The following AATF variants were observed in gnomAD, a reference collection of about 807,000 sequenced individuals.
AATF encodes the protein apoptosis antagonizing transcription factor.
A neutral mutation model predicts 63.7 loss-of-function variants in AATF; 48 were observed. The ratio of observed to expected loss-of-function variants is 0.75; its 90% CI spans 0.60 to 0.96. The LOEUF (loss-of-function observed/expected upper bound fraction) is 0.96. AATF is among the 40% of genes least tolerant of loss of function. The pLI is 0.00. For missense variants in AATF, 639 were observed against 685.7 expected (o/e 0.93, Z 0.76); for synonymous variants, 258 against 247.7 (o/e 1.04, Z -0.39).
At chr17:37,034,208 T>A (rs556553235) in intron 11 of AATF, among the ~76,000 whole-genome samples, 9 of 152,334 alleles carry the variant, frequency 5.9e-5, no homozygotes, top group Middle Eastern at 3.4e-3. Flanking sequence ...CGTGTCCATA[T>A]CAACTGCTCA....
intron 4 of AATF, among the ~76,000 whole-genome samples, chr17:36,954,168 A>G (rs2070880972): frequency 6.6e-6 from 1 of 151,452 alleles, no homozygotes; most frequent in Admixed American, 6.6e-5. Context: ...CCTGGGCTCA[A>G]GCAATCCTCC....
chr17:37,045,309 C>T (rs2071680080), intron 11 of AATF, among the ~76,000 whole-genome samples: 1 of 152,202 alleles, frequency 6.6e-6, no homozygotes, highest in African/African-American at 2.4e-5. Flanking sequence ...AGACTGAAGG[C>T]CTTTCTTCTA....
intron 10 of AATF, among the ~76,000 whole-genome samples, chr17:37,027,396 C>T (rs759825188): frequency 1.3e-5 from 2 of 151,972 alleles, no homozygotes; most frequent in African/African-American, 2.4e-5. Flanking sequence ...TTTGCAGTGG[C>T]ACCGAGACTA....
At chr17:36,998,453 C>T (rs1180677856) in intron 8 of AATF, 18 of 152,194 alleles carry the variant, frequency 1.2e-4, no homozygotes, top group Admixed American at 7.2e-4. Flanking sequence ...ATACTCCCTT[C>T]TGATTGGACA....
At chr17:36,959,138 C>T (rs909845690) in intron 4 of AATF, among the ~76,000 whole-genome samples, 3 of 144,960 alleles carry the variant, frequency 2.1e-5, no homozygotes, top group Admixed American at 7.0e-5. Context: ...AGCAAAACTC[C>T]GTCTCAAAAA....
At chr17:37,027,043 T>G (rs543778203) in intron 10 of AATF, among the ~76,000 whole-genome samples, 1 of 152,210 alleles carries the variant, frequency 6.6e-6, no homozygotes, top group Admixed American at 6.5e-5. Context: ...AACATTACCT[T>G]CTGGAAACAG....
intron 8 of AATF, among the ~76,000 whole-genome samples, chr17:37,009,950 A>G (rs2071377587): frequency 6.6e-6 from 1 of 152,042 alleles, no homozygotes; most frequent in African/African-American, 2.4e-5. Context: ...TGGGGAAGTC[A>G]TATCATTGAA....
At chr17:36,986,941 T>C (rs2071173455) in intron 5 of AATF, among the ~76,000 whole-genome samples, 1 of 152,202 alleles carries the variant, frequency 6.6e-6, no homozygotes. Context: ...TTTGCGGTCT[T>C]AGACAAAGGC....
Position 36,950,301 on chromosome 17 carries a change from C to T in AATF, c.179C>T (p.Ala60Val), listed in dbSNP as rs770823608. The T allele has an allele frequency of 2.2e-5, 35 of 1,614,044 alleles. No individual in the cohort carries two copies. Among genetic ancestry groups the T allele is most frequent in the Non-Finnish European group, 2.8e-5 (33 of 1,180,028 alleles). ...FLVVGSIRKL[A>V]SASLLDTDKR... The stretch of plus-strand genomic sequence containing the variant: ...GTAGTGGGTAGCATTAGAAAACTGG[C>T]ATCAGCCTCCCTCTTGGACACGGAC... Residue 60 changes from alanine (A) to valine (V), a missense_variant, in exon 2 of 12, where the codon GCA (alanine) becomes GTA (valine). Ala to Val is a moderately conservative substitution (Grantham distance 64). Transcript: ENST00000619387.
At chr17:36,978,549 C>G (rs1010739461) in intron 4 of AATF, among the ~76,000 whole-genome samples, 2 of 152,004 alleles carry the variant, frequency 1.3e-5, no homozygotes, top group Non-Finnish European at 1.5e-5. Flanking sequence ...AAAAAAAATT[C>G]TACTTTTAGT....
intron 4 of AATF, among the ~76,000 whole-genome samples, chr17:36,960,171 G>A (rs1567965199): frequency 2.0e-5 from 3 of 152,044 alleles, no homozygotes; most frequent in African/African-American, 2.4e-5. Flanking sequence ...GCAGCACCAC[G>A]CCCAGCTAAT....
At chr17:37,049,079 T>C (rs998354764) in intron 11 of AATF, among the ~76,000 whole-genome samples, 8 of 152,070 alleles carry the variant, frequency 5.3e-5, no homozygotes, top group Non-Finnish European at 1.2e-4. Flanking sequence ...AAGGAAGATA[T>C]TGTCACCATC....
intron 8 of AATF, among the ~76,000 whole-genome samples, chr17:36,999,569 G>C (rs1014743498): frequency 1.3e-5 from 2 of 152,152 alleles, no homozygotes; most frequent in African/African-American, 4.8e-5. Flanking sequence ...GAGGCTGGAA[G>C]AAAACAAAGT....
At chr17:36,954,839 C>A (rs1166122310) in intron 4 of AATF, among the ~76,000 whole-genome samples, 2 of 152,174 alleles carry the variant, frequency 1.3e-5, no homozygotes, top group African/African-American at 4.8e-5. Flanking sequence ...GTGCTGCTTG[C>A]CTGTGTGCCC....
intron 4 of AATF, among the ~76,000 whole-genome samples, chr17:36,962,956 A>G (rs1567966156): frequency 1.3e-5 from 2 of 152,088 alleles, no homozygotes; most frequent in Non-Finnish European, 1.5e-5. Context: ...CCTCTCTATT[A>G]AAAATACAAA....
intron 8 of AATF, among the ~76,000 whole-genome samples, chr17:36,993,766 A>T (rs1167320978): frequency 6.6e-6 from 1 of 152,032 alleles, no homozygotes; most frequent in Non-Finnish European, 1.5e-5. Context: ...TAAGGAAGAG[A>T]TTATAGCCAC....
intron 11 of AATF, chr17:37,043,263 C>G (rs2142315097): frequency 6.6e-6 from 1 of 152,362 alleles, no homozygotes; most frequent in Admixed American, 6.5e-5. Flanking sequence ...CTATTTCACC[C>G]CATGTGCTGT....
At chr17:36,964,692 A>G (rs1451395601) in intron 4 of AATF, among the ~76,000 whole-genome samples, 1 of 151,922 alleles carries the variant, frequency 6.6e-6, no homozygotes, top group Non-Finnish European at 1.5e-5. Context: ...GCTCTCCATT[A>G]CCTGCTTAAA....
At chr17:36,967,058 CTT>C (rs1019558044) in intron 4 of AATF, among the ~76,000 whole-genome samples, 4 of 152,030 alleles carry the variant, frequency 2.6e-5, no homozygotes, top group African/African-American at 9.7e-5. Flanking sequence ...TTTGTTATAT[CTT>C]TTTTTGTTTT....
Sources: allele counts gnomAD v4.1 joint callset (sites outside exome capture counted in the v4.1 genomes callset), GRCh38; gene constraint gnomAD v4.1.1; transcripts MANE v1.5; gene names NCBI Gene and HGNC (gene_info 2026-07-23, HGNC 2026-07-21).